The following GTF2H3 variants were observed in gnomAD, a reference collection of about 807,000 sequenced individuals.
The protein encoded by GTF2H3 is general transcription factor IIH subunit 3, also known as TFIIH basal transcription factor complex p34 subunit.
A neutral mutation model predicts 51.1 loss-of-function variants in GTF2H3; 42 were observed. The ratio of observed to expected loss-of-function variants is 0.82; its 90% CI spans 0.64 to 1.06. GTF2H3 has a LOEUF of 1.06. Among genes scored for constraint, GTF2H3 ranks in the 50% least tolerant of loss-of-function variants. The pLI is 0.00. For missense variants in GTF2H3, 326 were observed against 366.1 expected (o/e 0.89, Z 0.89); for synonymous variants, 123 against 123.8 (o/e 0.99, Z 0.04).
intron 2 of GTF2H3, among the ~76,000 whole-genome samples, chr12:123,640,558 G>A (rs1012722051): frequency 1.6e-4 from 24 of 151,964 alleles, no homozygotes; most frequent in African/African-American, 5.3e-4. Flanking sequence ...GGCTGATCTC[G>A]AACTCCTAAA....
Position 123,648,002 on chromosome 12 carries a change from C to G in GTF2H3, c.240C>G (p.Asp80Glu), listed in dbSNP as rs1955472176. 6.2e-7 allele frequency: 1 copy of G among 1,613,758 alleles called. No individual in the cohort carries two copies. ...LYPGKNGRLG[D>E]FFGDPGNPPE... ...CTGGAAAGAATGGCAGACTTGGAGA[C>G]TTCTTCGGAGACCCTGGCAACCCTC... Residue 80 changes from aspartate (D) to glutamate (E), a missense_variant, in exon 4 of 13, where the codon GAC becomes GAG. By Grantham distance (45) the Asp-to-Glu change is conservative (BLOSUM62 2). Transcript: ENST00000543341.
rs1955570336 is a variant in GTF2H3, at chr12:123,655,055, A to AT, written c.561+63dup. ...GTTTCATAACGAAGGAGTCAATTTC[A>AT]TTTTTTGAATGCTCTACTCTGAGGT... On this transcript the variant is annotated intron_variant, in intron 8 of 12. Transcript: ENST00000543341. The AT allele has an allele frequency of 2.3e-6, 3 of 1,282,618 alleles. No individual in the cohort carries two copies. In the East Asian group the frequency reaches 6.9e-5, roughly 29 times the overall value. 79.5% of individuals were successfully genotyped at this position (1,282,618 alleles called of 1,614,324 possible).
chr12:123,652,376 A>G (rs1955530597), intron 5 of GTF2H3, 156 bp from the exon 6 acceptor site: 1 of 534,028 alleles, frequency 1.9e-6, no homozygotes, highest in Non-Finnish European at 3.3e-6. Context: ...AAAACCCCCA[A>G]TCACTCTTGT....
chr12:123,652,479 ATATT>A, intron 5 of GTF2H3, 49 bp from the exon 6 acceptor site: 1 of 1,055,710 alleles, frequency 9.5e-7, no homozygotes, highest in Non-Finnish European at 1.4e-6. Context: ...TTTACTATAA[ATATT>A]TATGAAGCAA....
At chr12:123,657,593 T>C (rs1955603380) in intron 9 of GTF2H3, among the ~76,000 whole-genome samples, 1 of 152,244 alleles carries the variant, frequency 6.6e-6, no homozygotes, top group South Asian at 2.1e-4. Context: ...CCTCTCCCCT[T>C]AGCCTACTTT....
intron 1 of GTF2H3, among the ~76,000 whole-genome samples, chr12:123,634,246 G>T (rs942918619): frequency 2.0e-5 from 3 of 152,134 alleles, no homozygotes; most frequent in African/African-American, 7.2e-5. Context: ...TTCGAGACCT[G>T]CCTGGGCAAC....
At chr12:123,651,594 C>T (rs569377329) in intron 5 of GTF2H3, among the ~76,000 whole-genome samples, 10 of 151,818 alleles carry the variant, frequency 6.6e-5, no homozygotes, top group South Asian at 4.2e-4. Flanking sequence ...CCGAGGCAGG[C>T]GGATCATGAG....
Position 123,647,991 on chromosome 12 carries a change from A to C in GTF2H3, c.229A>C (p.Arg77=), listed in dbSNP as rs1446688026. 6.2e-7 allele frequency: 1 copy of C among 1,613,602 alleles called. No homozygotes were observed. Among genetic ancestry groups the C allele is most frequent in the Admixed American group, 1.7e-5 (1 of 59,926 alleles). Residue 77 remains arginine, a synonymous_variant, in exon 4 of 13, where the codon AGA becomes CGA. Transcript: ENST00000543341. ...ATTCTTATATCCTGGAAAGAATGGCAGACTTGGAGACTTCTTCGGAGACCC... is the reference window on the plus strand; with the variant it reads ...ATTCTTATATCCTGGAAAGAATGGCCGACTTGGAGACTTCTTCGGAGACCC... ...SRFLYPGKNG[R]LGDFFGDPGN...
intron 9 of GTF2H3, among the ~76,000 whole-genome samples, chr12:123,657,260 T>A (rs1029324612): frequency 3.4e-4 from 51 of 152,012 alleles, no homozygotes; most frequent in African/African-American, 1.2e-3. Context: ...CTTAAAACCC[T>A]CCCATAGCCT....
intron 1 of GTF2H3, among the ~76,000 whole-genome samples, chr12:123,638,977 A>G (rs960304354): frequency 6.6e-6 from 1 of 151,182 alleles, no homozygotes; most frequent in Non-Finnish European, 1.5e-5. Context: ...TTGTATTTTT[A>G]GTAGAGACGG....
chr12:123,656,553 C>G (rs1955589677), intron 9 of GTF2H3, among the ~76,000 whole-genome samples: 1 of 152,138 alleles, frequency 6.6e-6, no homozygotes, highest in Admixed American at 6.5e-5. Context: ...TCCAGACTTG[C>G]AGAATCAGCC....
At chr12:123,655,639 T>A (rs762189665) in intron 8 of GTF2H3, 132 bp from the exon 9 acceptor site, 49 of 598,720 alleles carry the variant, frequency 8.2e-5, no homozygotes, top group Non-Finnish European at 1.3e-4. Context: ...AATGCAAATA[T>A]CTGCCGTGCA....
intron 1 of GTF2H3, among the ~76,000 whole-genome samples, chr12:123,635,804 G>A (rs141104697): frequency 1.9e-3 from 294 of 152,304 alleles, no homozygotes; most frequent in African/African-American, 6.4e-3. Context: ...TGGGACGAGA[G>A]ATCAGAAGCA....
intron 1 of GTF2H3, among the ~76,000 whole-genome samples, chr12:123,634,607 T>C (rs902899265): frequency 6.6e-6 from 1 of 152,292 alleles, no homozygotes; most frequent in Non-Finnish European, 1.5e-5. Context: ...CTTGAATGAT[T>C]ATGTGAAGTT....
Position 123,662,569 on chromosome 12 carries a change from T to C in GTF2H3, c.*2334T>C, listed in dbSNP as rs1955670535. On this transcript the variant is annotated 3_prime_UTR_variant, in exon 13 of 13. Coordinates refer to ENST00000543341, the MANE Select transcript of GTF2H3 (RefSeq NM_001516.5). ...TAACTGTTGCCCTTATGAGTTATTT[T>C]ATATAAATTTTTACAATAAAATAAT... 1.3e-5 allele frequency: 2 copies of C among 152,200 alleles called. No homozygotes were observed. The highest frequency in any genetic ancestry group is 4.1e-4 in the South Asian group (2 of 4,836). 9.4% of individuals were successfully genotyped at this position (152,200 alleles called of 1,614,324 possible).
chr12:123,651,011 C>A lies in GTF2H3; in HGVS notation c.382C>A (p.His128Asn). ...ATTTGCAGGTGACATAAAGGGTCAA[C>A]ATACAGAAACTTTGCTGGCAGGATC... ...LMTKSDIKGQ[H>N]TETLLAGSLA... Residue 128 changes from histidine (H) to asparagine (N), a missense_variant, in exon 5 of 13, where the codon CAT (histidine) becomes AAT (asparagine). By Grantham distance (68) the His-to-Asn change is moderately conservative. Transcript: ENST00000543341. 6.2e-7 allele frequency: 1 copy of A among 1,612,688 alleles called. No individual in the cohort carries two copies. Among genetic ancestry groups the A allele is most frequent in the Middle Eastern group, 1.6e-4 (1 of 6,062 alleles).
chr12:123,641,382 C>T (rs1020262664), intron 2 of GTF2H3, among the ~76,000 whole-genome samples: 16 of 151,832 alleles, frequency 1.1e-4, no homozygotes, highest in South Asian at 2.1e-4. Context: ...TGTACCACCA[C>T]GCCTGGCTAA....
At chr12:123,637,939 A>C (rs1955309214) in intron 1 of GTF2H3, among the ~76,000 whole-genome samples, 1 of 152,134 alleles carries the variant, frequency 6.6e-6, no homozygotes, top group African/African-American at 2.4e-5. Flanking sequence ...CTAGTTAACC[A>C]GTGCCTTCTG....
chr12:123,659,354 A>T, intron 9 of GTF2H3, 162 bp from the exon 10 acceptor site: 1 of 646,410 alleles, frequency 1.5e-6, no homozygotes, highest in Non-Finnish European at 2.8e-6. Flanking sequence ...GCGACAGAGC[A>T]AGACTCTGTC....
Sources: allele counts gnomAD v4.1 joint callset (sites outside exome capture counted in the v4.1 genomes callset), GRCh38; gene constraint gnomAD v4.1.1; transcripts MANE v1.5; gene names NCBI Gene and HGNC (gene_info 2026-07-23, HGNC 2026-07-21).